WT1: variants seen among roughly 807,000 people sequenced by gnomAD.
WT1 encodes the protein Wilms tumor protein.
In WT1, 8 loss-of-function variants were observed where a neutral mutation model predicts 60.8. That is an observed-to-expected ratio of 0.13 (90% CI 0.08 to 0.24). The LOEUF (loss-of-function observed/expected upper bound fraction) is 0.24, where lower values mean the gene tolerates loss of function less well. Among genes scored for constraint, WT1 ranks in the 10% least tolerant of loss-of-function variants. WT1 has a pLI of 1.00. For missense variants in WT1, 568 were observed against 711.8 expected (o/e 0.80, Z 2.30); for synonymous variants, 312 against 297.1 (o/e 1.05, Z -0.52).
intron 6 of WT1, among the ~76,000 whole-genome samples, chr11:32,399,187 A>T (rs1852070014): frequency 6.6e-6 from 1 of 151,552 alleles, no homozygotes; most frequent in African/African-American, 2.4e-5. Flanking sequence ...GAAAAAAAAA[A>T]GACCGGTGAT....
Position 32,429,470 on chromosome 11 carries a change from C to T in WT1, c.662-851G>A, listed in dbSNP as rs969797158. Among the ~76,000 whole-genome samples, 20 of 148,256 alleles carry T rather than the reference C, an allele frequency of 1.3e-4. 1 individual carries two copies. Among genetic ancestry groups the T allele is most frequent in the African/African-American group, 3.2e-4 (13 of 40,896 alleles). On this transcript the variant is annotated intron_variant, in intron 1 of 9. Transcript: ENST00000452863. ...TAGGGAAATCCTAGCATTCCCCCCC[C>T]CCCCCAAAGTGAGAAAAAGAGCGTG...
At chr11:32,412,429 A>C (rs894743217) in intron 5 of WT1, among the ~76,000 whole-genome samples, 1 of 151,870 alleles carries the variant, frequency 6.6e-6, no homozygotes, top group Non-Finnish European at 1.5e-5. Flanking sequence ...CACTCCCCCT[A>C]CCCGAGTCCC....
chr11:32,400,256 A>G, intron 5 of WT1: 1 of 638,536 alleles, frequency 1.6e-6, no homozygotes, highest in Non-Finnish European at 2.8e-6. Context: ...CCCCTCCCTC[A>G]TCCTCCGATT....
At chr11:32,393,258 C>A (rs1341892311) in intron 7 of WT1, among the ~76,000 whole-genome samples, 1 of 152,210 alleles carries the variant, frequency 6.6e-6, no homozygotes, top group Non-Finnish European at 1.5e-5. Flanking sequence ...CTACTGACTC[C>A]TTGTTCTTGC....
chr11:32,424,925 C>T (rs1852976260), intron 3 of WT1, among the ~76,000 whole-genome samples: 1 of 152,112 alleles, frequency 6.6e-6, no homozygotes, highest in Admixed American at 6.5e-5. Context: ...CACCTGTAAT[C>T]CCAGCACTTT....
rs5030192 is a variant in WT1, at chr11:32,418,801, C to T, written c.888-1147G>A. Among the ~76,000 whole-genome samples the T allele has an allele frequency of 3.3e-4, 50 of 152,290 alleles. 2 individuals are homozygous for T. In the East Asian group the frequency reaches 9.5e-3, roughly 29 times the overall value. Reference sequence around the variant, plus strand: ...AATAAATGAATTCTGTGCTCTCTGTCCGCATAGCGTGATAAATCATGGCAG... The same window carrying T: ...AATAAATGAATTCTGTGCTCTCTGTTCGCATAGCGTGATAAATCATGGCAG... On this transcript the variant is annotated intron_variant, in intron 3 of 9. Coordinates refer to ENST00000452863, the MANE Select transcript of WT1 (RefSeq NM_024426.6).
chr11:32,428,433 C>T lies in WT1; in HGVS notation c.784+64G>A, dbSNP rs1853136587. The T allele has an allele frequency of 3.1e-6, 5 of 1,610,838 alleles. No homozygotes were observed. The East Asian group carries it at 1.1e-4, about 36-fold the overall frequency. ...CTAATTTGCTGTGGGTTAGGAATTCCTGGGGGAGAGGAGGATAGCACGGAA... is the reference window on the plus strand; with the variant it reads ...CTAATTTGCTGTGGGTTAGGAATTCTTGGGGGAGAGGAGGATAGCACGGAA... On this transcript the variant is annotated intron_variant, in intron 2 of 9. Transcript: ENST00000452863.
intron 1 of WT1, among the ~76,000 whole-genome samples, chr11:32,432,078 T>C (rs181436412): frequency 5.9e-5 from 9 of 152,304 alleles, no homozygotes; most frequent in African/African-American, 2.2e-4. Flanking sequence ...AAGTAGGCGA[T>C]TGATGTTTGC....
intron 5 of WT1, among the ~76,000 whole-genome samples, chr11:32,403,155 GA>G (rs149194743): frequency 0.046 from 6,830 of 147,352 alleles, 210 homozygotes; most frequent in Non-Finnish European, 0.074. Context: ...GGTCCATGAG[GA>G]AAAAAAAAAC....
At chr11:32,418,177 G>T (rs1852738655) in intron 3 of WT1, among the ~76,000 whole-genome samples, 2 of 148,900 alleles carry the variant, frequency 1.3e-5, no homozygotes, top group Non-Finnish European at 3.0e-5. Flanking sequence ...GAAAGACGAT[G>T]ATAAACTCTA....
Position 32,388,384 on chromosome 11 carries a change from T to G in WT1, c.*674A>C, listed in dbSNP as rs1047116378. ...TAGTTTCTTAAGAGCAGTGTGCCAG[T>G]GTTCACATTGAATTAACTGAATGGT... is the stretch of plus-strand genomic sequence containing the variant. On this transcript the variant is annotated 3_prime_UTR_variant, in exon 10 of 10. Transcript: ENST00000452863. 5 of 233,734 alleles carry G rather than the reference T, an allele frequency of 2.1e-5. No individual in the cohort carries two copies. The highest frequency in any genetic ancestry group is 1.1e-4 in the African/African-American group (5 of 45,336). The allele number at this position is 233,734 out of a possible 1,614,324, so 14.5% of individuals were successfully genotyped here.
At chr11:32,423,441 C>T (rs886724573) in intron 3 of WT1, among the ~76,000 whole-genome samples, 13 of 152,318 alleles carry the variant, frequency 8.5e-5, no homozygotes, top group African/African-American at 1.4e-4. Context: ...TCAGGGAAAA[C>T]GCTGTCCCAA....
rs1853495230 is a variant in WT1, at chr11:32,435,536, G to T, written c.-176C>A. 3 of 1,022,886 alleles carry T rather than the reference G, an allele frequency of 2.9e-6. No homozygotes were observed. The highest frequency in any genetic ancestry group is 4.2e-6 in the Non-Finnish European group (3 of 718,760). 63.4% of individuals were successfully genotyped at this position (1,022,886 alleles called of 1,614,324 possible). On this transcript the variant is annotated 5_prime_UTR_variant, in exon 1 of 10. Transcript: ENST00000452863. Reference sequence around the variant, plus strand: ...CTGCCTTGAACTCCTTACCCCAGCTGCCTGGCTGCCCTCAGCTTCCCAAAG... The same window carrying T: ...CTGCCTTGAACTCCTTACCCCAGCTTCCTGGCTGCCCTCAGCTTCCCAAAG...
At chr11:32,404,862 A>G (rs1432193986) in intron 5 of WT1, among the ~76,000 whole-genome samples, 1 of 152,150 alleles carries the variant, frequency 6.6e-6, no homozygotes, top group Non-Finnish European at 1.5e-5. Context: ...TTGTTCTCAA[A>G]GATCTGGCCT....
intron 3 of WT1, among the ~76,000 whole-genome samples, chr11:32,421,451 A>G (rs1017926728): frequency 6.6e-6 from 1 of 152,192 alleles, no homozygotes; most frequent in African/African-American, 2.4e-5. Context: ...GCCAAAATGT[A>G]TTCCAAAAGT....
chr11:32,427,704 C>T (rs1404235444), intron 3 of WT1, among the ~76,000 whole-genome samples: 1 of 152,252 alleles, frequency 6.6e-6, no homozygotes, highest in East Asian at 1.9e-4. Flanking sequence ...AATAACTTCT[C>T]GAGCGCCGCT....
chr11:32,419,753 G>T, intron 3 of WT1, among the ~76,000 whole-genome samples: 1 of 152,224 alleles, frequency 6.6e-6, no homozygotes, highest in East Asian at 1.9e-4. Context: ...GAGTGCAGTG[G>T]CGCTATTTCA....
At chr11:32,412,258 T>C (rs1198939050) in intron 5 of WT1, among the ~76,000 whole-genome samples, 1 of 152,184 alleles carries the variant, frequency 6.6e-6, no homozygotes, top group Non-Finnish European at 1.5e-5. Context: ...AGCTTTGTTT[T>C]CACCACACAT....
Position 32,435,050 on chromosome 11 carries a change from G to C in WT1, c.311C>G (p.Ala104Gly), listed in dbSNP as rs1044394214. ...GTCCAGCACCGGCGCCCACTGCGCC[G>C]CGCCGCTCACAGGCAGGGCACAGCC... is the stretch of plus-strand genomic sequence containing the variant. The change falls in exon 1 of 10, where the codon GCG becomes GGG. Residue 104 changes from alanine to glycine, a missense_variant. By Grantham distance (60) the Ala-to-Gly change is moderately conservative. Transcript: ENST00000452863. 2.0e-6 allele frequency: 3 copies of C among 1,465,356 alleles called. No individual in the cohort carries two copies. In the African/African-American group the frequency reaches 4.5e-5, roughly 22 times the overall value. The allele number at this position is 1,465,356 out of a possible 1,614,324, so 90.8% of individuals were successfully genotyped here. A position where few individuals can be genotyped will look rare whatever the true frequency, so the allele number is the denominator to read the frequency against.
Sources: allele counts gnomAD v4.1 joint callset (sites outside exome capture counted in the v4.1 genomes callset), GRCh38; gene constraint gnomAD v4.1.1; transcripts MANE v1.5; gene names NCBI Gene and HGNC (gene_info 2026-07-23, HGNC 2026-07-21).